NIBAN1: variants seen among roughly 807,000 people sequenced by gnomAD.
The protein encoded by NIBAN1 is niban apoptosis regulator 1, also known as protein Niban 1.
A neutral mutation model predicts 75.1 loss-of-function variants in NIBAN1; 81 were observed. That is an observed-to-expected ratio of 1.08 (90% CI 0.90 to 1.30). The LOEUF is 1.30. Among genes scored for constraint, NIBAN1 ranks in the 50% most tolerant of loss-of-function variants. The pLI is 0.00. For synonymous variants in NIBAN1, 436 were observed against 424.8 expected (o/e 1.03, Z -0.32); for missense variants, 1,133 against 1,128.1 (o/e 1.00, Z -0.06).
At chr1:184,815,008 T>C (rs1654487844) in intron 9 of NIBAN1, among the ~76,000 whole-genome samples, 1 of 152,200 alleles carries the variant, frequency 6.6e-6, no homozygotes, top group Non-Finnish European at 1.5e-5. Flanking sequence ...TATATTGATA[T>C]GGTGACTTAT....
intron 1 of NIBAN1, among the ~76,000 whole-genome samples, chr1:184,946,674 T>C (rs1488947801): frequency 6.6e-6 from 1 of 152,228 alleles, no homozygotes; most frequent in East Asian, 1.9e-4. Flanking sequence ...AGATATTTTC[T>C]TTTAAAAAGC....
At position 184,818,626 on chromosome 1, in the gene NIBAN1, T is replaced by G; in HGVS notation, c.1173+12A>C. On this transcript the variant is annotated intron_variant, in intron 9 of 13. Transcript: ENST00000367511. ...GACCATTCACACCCAGCTCCTCAGC[T>G]TTGTATCCTACCTCCTTTAGCTGGA... 1 of 1,577,452 alleles carries G rather than the reference T, an allele frequency of 6.3e-7. No homozygotes were observed. Among genetic ancestry groups the G allele is most frequent in the South Asian group, 1.1e-5 (1 of 87,092 alleles).
chr1:184,907,394 TGTTGA>T (rs1266184484), intron 1 of NIBAN1, among the ~76,000 whole-genome samples: 1 of 152,208 alleles, frequency 6.6e-6, no homozygotes, highest in Admixed American at 6.5e-5. Flanking sequence ...TCTTAAAAAC[TGTTGA>T]GGTTTCAGGT....
chr1:184,803,480 C>G, intron 12 of NIBAN1, 105 bp downstream of exon 12: 1 of 810,224 alleles, frequency 1.2e-6, no homozygotes. Flanking sequence ...GTCTGCCAAT[C>G]CCTCCCTGGT....
chr1:184,809,124 C>A (rs1654293347), intron 9 of NIBAN1, among the ~76,000 whole-genome samples: 2 of 152,214 alleles, frequency 1.3e-5, no homozygotes, highest in African/African-American at 4.8e-5. Flanking sequence ...CACTGTCCGA[C>A]TTTCAGCTCA....
intron 12 of NIBAN1, among the ~76,000 whole-genome samples, chr1:184,801,145 A>G (rs183769787): frequency 1.1e-4 from 17 of 152,136 alleles, no homozygotes; most frequent in Non-Finnish European, 2.1e-4. Flanking sequence ...GGACTTAGCC[A>G]TGGGATTTGC....
intron 1 of NIBAN1, among the ~76,000 whole-genome samples, chr1:184,913,139 A>ATATATATATATATATGC (rs1553227229): frequency 2.9e-5 from 3 of 103,012 alleles, no homozygotes; most frequent in East Asian, 4.4e-4. Flanking sequence ...TCATGCAGGT[A>ATATATATATATATATGC]TATATATATA....
At chr1:184,921,928 T>C (rs1657565931) in intron 1 of NIBAN1, among the ~76,000 whole-genome samples, 1 of 152,212 alleles carries the variant, frequency 6.6e-6, no homozygotes, top group African/African-American at 2.4e-5. Context: ...CAATTGGGGC[T>C]TATCTGTTTC....
chr1:184,866,190 A>T (rs775320163), intron 5 of NIBAN1, among the ~76,000 whole-genome samples: 19 of 152,192 alleles, frequency 1.2e-4, no homozygotes, highest in Non-Finnish European at 2.1e-4. Flanking sequence ...GTCAATGATG[A>T]CATGATGTGA....
intron 5 of NIBAN1, chr1:184,867,818 T>C (rs1449908776): frequency 1.0e-6 from 1 of 979,174 alleles, no homozygotes; most frequent in South Asian, 4.7e-5. Flanking sequence ...CGGTTTGTTT[T>C]GCCCCCAGCA....
At chr1:184,899,054 T>C (rs1656877911) in intron 2 of NIBAN1, 125 bp downstream of exon 2, 4 of 1,098,126 alleles carry the variant, frequency 3.6e-6, no homozygotes, top group East Asian at 2.4e-5. Flanking sequence ...TTTTTGAGCA[T>C]GAAACGACTT....
At chr1:184,809,460 A>G (rs1223628004) in intron 9 of NIBAN1, among the ~76,000 whole-genome samples, 1 of 152,204 alleles carries the variant, frequency 6.6e-6, no homozygotes, top group East Asian at 1.9e-4. Flanking sequence ...CCCTTATCAT[A>G]CACAATTAGT....
intron 13 of NIBAN1, among the ~76,000 whole-genome samples, chr1:184,796,738 AG>A (rs1653882632): frequency 6.6e-6 from 1 of 152,248 alleles, no homozygotes; most frequent in South Asian, 2.1e-4. Flanking sequence ...ATCACATCTC[AG>A]GGGTGCCATT....
At chr1:184,915,567 T>C (rs1571570582) in intron 1 of NIBAN1, among the ~76,000 whole-genome samples, 1 of 152,166 alleles carries the variant, frequency 6.6e-6, no homozygotes, top group Non-Finnish European at 1.5e-5. Context: ...TTTGTTTTGT[T>C]GTGATGGAGA....
chr1:184,866,395 T>G (rs1655958322), intron 5 of NIBAN1, among the ~76,000 whole-genome samples: 1 of 152,162 alleles, frequency 6.6e-6, no homozygotes, highest in Admixed American at 6.5e-5. Flanking sequence ...TAGGATTTAG[T>G]TCTAAGGGCT....
chr1:184,910,613 G>T (rs1159739528), intron 1 of NIBAN1, among the ~76,000 whole-genome samples: 1 of 152,072 alleles, frequency 6.6e-6, no homozygotes, highest in Non-Finnish European at 1.5e-5. Flanking sequence ...AAACTACATT[G>T]TCCAGAAGCC....
intron 5 of NIBAN1, among the ~76,000 whole-genome samples, chr1:184,877,418 AAC>A (rs1373545708): frequency 2.6e-5 from 4 of 152,292 alleles, no homozygotes; most frequent in Admixed American, 2.6e-4. Flanking sequence ...AGGTAACGAT[AAC>A]GTTCTTTATA....
intron 1 of NIBAN1, among the ~76,000 whole-genome samples, chr1:184,909,380 T>C (rs537107076): frequency 4.3e-4 from 65 of 152,198 alleles, no homozygotes; most frequent in Non-Finnish European, 8.8e-4. Context: ...CTTTATATTT[T>C]ACATTTTTTC....
intron 1 of NIBAN1, among the ~76,000 whole-genome samples, chr1:184,929,108 T>C (rs1435021921): frequency 3.3e-5 from 5 of 152,226 alleles, no homozygotes; most frequent in Non-Finnish European, 7.3e-5. Context: ...TTGATTAAAA[T>C]AATTTCTGTT....
Sources: gnomAD v4.1 joint callset for allele counts (sites outside exome capture counted in the v4.1 genomes callset) on GRCh38, gnomAD v4.1.1 for gene constraint, MANE v1.5 for transcripts, NCBI Gene and HGNC (gene_info 2026-07-23, HGNC 2026-07-21) for gene names.